Variants in KIAA0825 observed in about 807,000 individuals in gnomAD.
KIAA0825 encodes the protein KIAA0825, also known as uncharacterized protein KIAA0825.
KIAA0825 carries 119 observed loss-of-function variants against 147.6 expected under a neutral mutation model. The observed-to-expected ratio is 0.81, with a 90% CI of 0.69 to 0.94. KIAA0825 has a LOEUF of 0.94. Among genes scored for constraint, KIAA0825 ranks in the 40% least tolerant of loss-of-function variants. The probability of loss-of-function intolerance (pLI) is 0.00; values close to 1 mark genes in which losing one functional copy is unlikely to be tolerated. For missense variants in KIAA0825, 1,381 were observed against 1,472.7 expected, an observed-to-expected ratio of 0.94 and a Z score of 1.02; for synonymous variants, 470 against 518.1, an observed-to-expected ratio of 0.91 and a Z score of 1.26.
At chr5:94,408,939 C>A (rs1314385259) in intron 15 of KIAA0825, among the ~76,000 whole-genome samples, 1 of 152,112 alleles carries the variant, frequency 6.6e-6, no homozygotes, top group Non-Finnish European at 1.5e-5. Flanking sequence ...TAGCAAATAT[C>A]ATATAACATG....
intron 20 of KIAA0825, among the ~76,000 whole-genome samples, chr5:94,186,508 T>C (rs1005380643): frequency 5.9e-5 from 9 of 152,192 alleles, no homozygotes; most frequent in Non-Finnish European, 1.2e-4. Flanking sequence ...GGTGCTTAAT[T>C]AGGTTATTTA....
rs1224875038 is a variant in KIAA0825, at chr5:94,154,148, C to T, written c.3711-24G>A. The T allele has an allele frequency of 2.8e-6, 4 of 1,454,450 alleles. No individual in the cohort carries two copies. The Admixed American group carries it at 7.9e-5, about 29-fold the overall frequency. 90.1% of individuals were successfully genotyped at this position (1,454,450 alleles called of 1,614,324 possible). On this transcript the variant is annotated intron_variant, in intron 20 of 20. Transcript: ENST00000682413. Reference sequence around the variant, plus strand: ...ACCTAAAAGAAAAATCACATCTTAGCATTTTTGTAACTTTCAAACCACAGG... The same window carrying T: ...ACCTAAAAGAAAAATCACATCTTAGTATTTTTGTAACTTTCAAACCACAGG...
chr5:94,465,042 G>A lies in KIAA0825; in HGVS notation c.1890C>T (p.Phe630=), dbSNP rs754445228. 201 of 1,551,330 alleles carry A rather than the reference G, an allele frequency of 1.3e-4. No individual in the cohort carries two copies. The highest frequency in any genetic ancestry group is 1.6e-4 in the Non-Finnish European group (185 of 1,146,856). Residue 630 remains phenylalanine, a synonymous_variant, in exon 11 of 21, where the codon TTC becomes TTT. Transcript: ENST00000682413. The stretch of plus-strand genomic sequence containing the variant: ...AGAAATAATGCCACATCTGGATCGA[G>A]AAGGAACATCTTTCCCCCTGGCAAA... The part of the protein sequence containing the change: ...KAFYEGERCS[F]SIQMWHYFCW...
chr5:94,585,658 A>G (rs188476774), intron 1 of KIAA0825, among the ~76,000 whole-genome samples: 1 of 152,290 alleles, frequency 6.6e-6, no homozygotes, highest in African/African-American at 2.4e-5. Context: ...AAGGATATCC[A>G]GGACTTGAAC....
chr5:94,530,884 T>G (rs908095694), intron 3 of KIAA0825, among the ~76,000 whole-genome samples: 1 of 152,198 alleles, frequency 6.6e-6, no homozygotes, highest in Non-Finnish European at 1.5e-5. Flanking sequence ...TGGGAAATAG[T>G]AGTCCAACTA....
At chr5:94,438,450 A>G (rs1394943843) in intron 14 of KIAA0825, among the ~76,000 whole-genome samples, 3 of 152,198 alleles carry the variant, frequency 2.0e-5, no homozygotes, top group African/African-American at 4.8e-5. Flanking sequence ...AGCTAAATAA[A>G]TTGCTTTCAG....
In KIAA0825 at chr5:94,440,112, T is replaced by C; in HGVS notation, c.2367A>G (p.Ser789=). 2 of 1,550,332 alleles carry C rather than the reference T, an allele frequency of 1.3e-6. No individual in the cohort carries two copies. The highest frequency in any genetic ancestry group is 2.4e-5 in the South Asian group (2 of 83,768). ...GACCCTCGGCTTTCAGTCCTCCAGC[T>C]GATGGAGTCCTTTCAAAATGCAAGA... is the stretch of plus-strand genomic sequence containing the variant. ...HFYPSLLRTP[S]AGGLKAEGQL... is the part of the protein sequence containing the mutation. Residue 789 remains serine (S), a synonymous_variant, in exon 14 of 21, where the codon TCA becomes TCG. Transcript: ENST00000682413.
chr5:94,374,613 G>A (rs914731798), intron 20 of KIAA0825, among the ~76,000 whole-genome samples: 2 of 152,136 alleles, frequency 1.3e-5, no homozygotes, highest in African/African-American at 4.8e-5. Flanking sequence ...GCAAGGTGTA[G>A]GTACTAGTGC....
rs1429685452 is a variant in KIAA0825, at chr5:94,471,527, CTGTGGAGAGGTA to C, written c.1648_1659del (p.Tyr550_Thr553del). On this transcript the variant is annotated inframe_deletion, in exon 9 of 21. Transcript: ENST00000682413. Reference sequence around the variant, plus strand: ...TTGAAATGCTGGAAGACATACACCGCTGTGGAGAGGTATGTGTGCAAGTTTTTCAGGGGTGCT... The same window carrying C: ...TTGAAATGCTGGAAGACATACACCGCTGTGTGCAAGTTTTTCAGGGGTGCT... 1 of 1,552,064 alleles carries C rather than the reference CTGTGGAGAGGTA, an allele frequency of 6.4e-7. No individual in the cohort carries two copies. The highest frequency in any genetic ancestry group is 8.7e-7 in the Non-Finnish European group (1 of 1,147,076).
intron 5 of KIAA0825, among the ~76,000 whole-genome samples, chr5:94,514,128 T>C (rs1766883392): frequency 6.6e-6 from 1 of 152,168 alleles, no homozygotes; most frequent in Non-Finnish European, 1.5e-5. Context: ...GCTATTGTTA[T>C]TAATTAATTA....
intron 14 of KIAA0825, among the ~76,000 whole-genome samples, chr5:94,431,045 G>A (rs1304100652): frequency 6.6e-6 from 1 of 152,126 alleles, no homozygotes; most frequent in East Asian, 1.9e-4. Context: ...ACGTGGAAGG[G>A]GAGGGTTACT....
chr5:94,301,537 A>C (rs1430723401), intron 20 of KIAA0825, among the ~76,000 whole-genome samples: 3 of 152,110 alleles, frequency 2.0e-5, no homozygotes, highest in Non-Finnish European at 4.4e-5. Flanking sequence ...AGGAGATTTT[A>C]GCCTAGTTGA....
chr5:94,231,985 C>T (rs1243153218), intron 20 of KIAA0825, among the ~76,000 whole-genome samples: 1 of 152,090 alleles, frequency 6.6e-6, no homozygotes, highest in Non-Finnish European at 1.5e-5. Context: ...AATCTGAGCA[C>T]ACCCTTTGAA....
intron 20 of KIAA0825, among the ~76,000 whole-genome samples, chr5:94,199,964 G>A (rs1771511800): frequency 6.6e-6 from 1 of 152,170 alleles, no homozygotes; most frequent in African/African-American, 2.4e-5. Flanking sequence ...CAGACAGAGG[G>A]TCATTCAGAC....
intron 2 of KIAA0825, among the ~76,000 whole-genome samples, chr5:94,541,223 G>A (rs1358771777): frequency 1.3e-5 from 2 of 152,184 alleles, no homozygotes; most frequent in African/African-American, 4.8e-5. Flanking sequence ...GCTGGAAAGA[G>A]TCAGACCTTA....
Position 94,545,875 on chromosome 5 carries a change from C to A in KIAA0825, c.-1-8748G>T, listed in dbSNP as rs538735914. 2.0e-5 allele frequency among the ~76,000 whole-genome samples: 3 copies of A among 152,280 alleles called. No homozygotes were observed. The East Asian group carries it at 5.8e-4, about 29-fold the overall frequency. ...TAGTCTTGCTCTTTAGGTATGAGCT[C>A]AGCCACAGTGGGGTAGAGCACTAAG... On this transcript the variant is annotated intron_variant, in intron 2 of 20. Transcript: ENST00000682413.
At chr5:94,526,180 T>A (rs2151254464) in intron 3 of KIAA0825, among the ~76,000 whole-genome samples, 1 of 152,148 alleles carries the variant, frequency 6.6e-6, no homozygotes, top group African/African-American at 2.4e-5. Context: ...ATTTATCTTC[T>A]TTAATCAAAA....
At chr5:94,319,463 A>G (rs1468088491) in intron 20 of KIAA0825, among the ~76,000 whole-genome samples, 1 of 151,856 alleles carries the variant, frequency 6.6e-6, no homozygotes, top group Non-Finnish European at 1.5e-5. Flanking sequence ...CTCTTCCTAG[A>G]TGTCTTAAAG....
intron 5 of KIAA0825, among the ~76,000 whole-genome samples, chr5:94,497,703 A>G (rs1328457920): frequency 6.6e-6 from 1 of 152,182 alleles, no homozygotes; most frequent in Non-Finnish European, 1.5e-5. Flanking sequence ...AAAGTACACT[A>G]TGTTGGTATC....
Sources: allele counts gnomAD v4.1 joint callset (sites outside exome capture counted in the v4.1 genomes callset), GRCh38; gene constraint gnomAD v4.1.1; transcripts MANE v1.5; gene names NCBI Gene and HGNC (gene_info 2026-07-23, HGNC 2026-07-21).